The following SERHL2 variants were observed in gnomAD, a reference collection of about 807,000 sequenced individuals.
SERHL2 encodes serine hydrolase like 2.
Under a neutral mutation model 25.5 loss-of-function variants are expected in SERHL2, and 29 were observed. That is an observed-to-expected ratio of 1.14 (90% CI 0.85 to 1.55). SERHL2 has a LOEUF of 1.55. SERHL2 is among the 40% of genes most tolerant of loss of function. The probability of loss-of-function intolerance (pLI) is 0.00; values close to 1 mark genes in which losing one functional copy is unlikely to be tolerated. For synonymous variants in SERHL2, 95 were observed against 103.5 expected, an observed-to-expected ratio of 0.92 and a Z score of 0.50; for missense variants, 240 against 252.3, an observed-to-expected ratio of 0.95 and a Z score of 0.33.
Position 42,572,516 on chromosome 22 carries a change from C to T in SERHL2, c.812C>T (p.Ser271Phe). 6.2e-7 allele frequency: 1 copy of T among 1,611,852 alleles called. No homozygotes were observed. The highest frequency in any genetic ancestry group is 1.1e-5 in the South Asian group (1 of 90,984). The part of the protein sequence containing the change: ...SLSFMIDTMK[S>F]TLKEQFQFVE... ...TCGTTCATGATAGACACGATGAAATCCACCCTCAAAGAGGTAAGACGGGGC... is the reference window on the plus strand; with the variant it reads ...TCGTTCATGATAGACACGATGAAATTCACCCTCAAAGAGGTAAGACGGGGC... Residue 271 changes from serine to phenylalanine, a missense_variant, in exon 11 of 12, where the codon TCC (serine) becomes TTC (phenylalanine). Physicochemically the swap from Ser to Phe is radical, Grantham distance 155. Coordinates refer to ENST00000327678, the MANE Select transcript of SERHL2 (RefSeq NM_014509.5).
chr22:42,560,129 A>G, intron 7 of SERHL2, 57 bp from the exon 8 acceptor site: 1 of 1,373,190 alleles, frequency 7.3e-7, no homozygotes, highest in Non-Finnish European at 1.0e-6. Context: ...TCTCCTTTTT[A>G]TCTGACCTCC....
Position 42,560,811 on chromosome 22 carries a change from C to T in SERHL2, c.613+546C>T, listed in dbSNP as rs1287123869. ...AGTGCGGTGGCACCATCATGGCTCA[C>T]TGCAGCCTCCACCTCCCGGGCTCCA... On this transcript the variant is annotated intron_variant, in intron 8 of 11. Coordinates refer to ENST00000327678, the MANE Select transcript of SERHL2 (RefSeq NM_014509.5). Among the ~76,000 whole-genome samples the T allele has an allele frequency of 2.0e-5, 3 of 151,986 alleles. 1 individual carries two copies. The highest frequency in any genetic ancestry group is 4.4e-5 in the Non-Finnish European group (3 of 67,980).
Position 42,574,243 on chromosome 22 carries a change from C to A in SERHL2, c.*188C>A. On this transcript the variant is annotated 3_prime_UTR_variant, in exon 12 of 12. Coordinates refer to ENST00000327678, the MANE Select transcript of SERHL2 (RefSeq NM_014509.5). ...AACATCTGTGACCTCAAGGGGGAGA[C>A]AGAGTCTGGGTTCCAGGGCTGCTTT... 3.3e-6 allele frequency: 2 copies of A among 598,262 alleles called. No individual in the cohort carries two copies. Among genetic ancestry groups the A allele is most frequent in the Non-Finnish European group, 5.9e-6 (2 of 339,138 alleles). The allele number at this position is 598,262 out of a possible 1,614,324, so 37.1% of individuals were successfully genotyped here.
At chr22:42,554,353 G>T (rs1921974897) in intron 1 of SERHL2, among the ~76,000 whole-genome samples, 1 of 152,078 alleles carries the variant, frequency 6.6e-6, no homozygotes, top group Non-Finnish European at 1.5e-5. Context: ...GGGCGGTGGG[G>T]GTTCCTGGAG....
chr22:42,562,244 C>T (rs1922776654), intron 8 of SERHL2, among the ~76,000 whole-genome samples: 1 of 151,822 alleles, frequency 6.6e-6, no homozygotes, highest in East Asian at 1.9e-4. Flanking sequence ...TCCCTCCAAC[C>T]CCAGGGCCCC....
At chr22:42,571,937 C>CG (rs1168621363) in intron 10 of SERHL2, 2 of 5,582 alleles carry the variant, frequency 3.6e-4, no homozygotes, top group African/African-American at 1.3e-3. Context: ...CTGTTGGGGG[C>CG]GGGGGGCGGG....
At chr22:42,573,626 C>G in intron 11 of SERHL2, 1 of 327,836 alleles carries the variant, frequency 3.1e-6, no homozygotes, top group Non-Finnish European at 5.7e-6. Context: ...ATTATCTTTT[C>G]TCACGGGTAC....
intron 11 of SERHL2, 177 bp from the exon 12 acceptor site, chr22:42,573,759 T>C: frequency 1.4e-6 from 1 of 707,376 alleles, no homozygotes; most frequent in Non-Finnish European, 2.5e-6. Context: ...AGACACCTCC[T>C]GGGGTGCTAT....
At chr22:42,573,756 T>C in intron 11 of SERHL2, 180 bp from the exon 12 acceptor site, 1 of 704,692 alleles carries the variant, frequency 1.4e-6, no homozygotes, top group Non-Finnish European at 2.5e-6. Context: ...GTTAGACACC[T>C]CCTGGGGTGC....
chr22:42,572,964 C>T (rs1404163882), intron 11 of SERHL2, among the ~76,000 whole-genome samples: 1 of 151,756 alleles, frequency 6.6e-6, no homozygotes, highest in Non-Finnish European at 1.5e-5. Context: ...GCCACCATAC[C>T]CGGCCTAGTC....
rs557997523 is a variant in SERHL2 at position 42,560,251 on chromosome 22, C to T, written c.599C>T (p.Thr200Met). 6.8e-6 allele frequency: 11 copies of T among 1,610,944 alleles called. No individual in the cohort carries two copies. The highest frequency in any genetic ancestry group is 2.7e-5 in the African/African-American group (2 of 74,850). ...GAGCTTCTCCTGCAAAGAGGAACCA[C>T]GAAGGTGGCCACAGGTAAGGGACTC... The part of the protein sequence containing the change: ...CGELLLQRGT[T>M]KVATGLVLNR... The change falls in exon 8 of 12, where the codon ACG becomes ATG. Residue 200 changes from threonine to methionine, a missense_variant. By Grantham distance (81) the Thr-to-Met change is moderately conservative. Transcript: ENST00000327678.
chr22:42,572,268 T>C (rs1445124350), intron 10 of SERHL2, among the ~76,000 whole-genome samples, 168 bp from the exon 11 acceptor site: 1 of 152,024 alleles, frequency 6.6e-6, no homozygotes, highest in Non-Finnish European at 1.5e-5. Context: ...TGAGCTGAGA[T>C]TAACTGAGCC....
At chr22:42,562,212 A>G (rs573947816) in intron 8 of SERHL2, among the ~76,000 whole-genome samples, 38 of 151,736 alleles carry the variant, frequency 2.5e-4, no homozygotes, top group Non-Finnish European at 4.3e-4. Flanking sequence ...CTCAAGGACA[A>G]TGTAGGTTCC....
chr22:42,568,838 C>G (rs1211917146), intron 9 of SERHL2, among the ~76,000 whole-genome samples: 1 of 151,776 alleles, frequency 6.6e-6, no homozygotes, highest in Non-Finnish European at 1.5e-5. Context: ...TGGTGGCACA[C>G]ACCTGTAGTC....
At chr22:42,568,439 T>C (rs1923707256) in intron 9 of SERHL2, among the ~76,000 whole-genome samples, 1 of 151,832 alleles carries the variant, frequency 6.6e-6, no homozygotes, top group African/African-American at 2.4e-5. Flanking sequence ...GGTAGGAATT[T>C]ATTGCCAGAT....
chr22:42,566,909 G>GT (rs1923468637), intron 9 of SERHL2, among the ~76,000 whole-genome samples: 1 of 152,340 alleles, frequency 6.6e-6, no homozygotes, highest in South Asian at 2.1e-4. Flanking sequence ...CTTGGGCAAG[G>GT]TGCTTACCCT....
chr22:42,566,352 C>T lies in SERHL2; in HGVS notation c.648+14C>T. 1 of 1,610,558 alleles carries T rather than the reference C, an allele frequency of 6.2e-7. No individual in the cohort carries two copies. The highest frequency in any genetic ancestry group is 1.7e-5 in the Admixed American group (1 of 60,012). ...AGGCTCGCCTGGGTGAGTACCACTG[C>T]CTCCGGGTCCCCCGCCAAGGTTTGC... On this transcript the variant is annotated intron_variant, in intron 9 of 11. Coordinates refer to ENST00000327678, the MANE Select transcript of SERHL2 (RefSeq NM_014509.5).
At chr22:42,564,582 C>T (rs755379998) in intron 8 of SERHL2, among the ~76,000 whole-genome samples, 2 of 151,682 alleles carry the variant, frequency 1.3e-5, no homozygotes, top group Non-Finnish European at 2.9e-5. Flanking sequence ...CAGGTGCCCA[C>T]CACCATGCCT....
In SERHL2 at chr22:42,566,373, T is replaced by C. The variant is rs370225908; in HGVS notation, c.648+35T>C. On this transcript the variant is annotated intron_variant, in intron 9 of 11. Coordinates refer to ENST00000327678, the MANE Select transcript of SERHL2 (RefSeq NM_014509.5). Reference sequence around the variant, plus strand: ...ACTGCCTCCGGGTCCCCCGCCAAGGTTTGCCTGTTAGCGTCTTTGTCGTTT... The same window carrying C: ...ACTGCCTCCGGGTCCCCCGCCAAGGCTTGCCTGTTAGCGTCTTTGTCGTTT... 1.1e-5 allele frequency: 17 copies of C among 1,607,224 alleles called. No individual in the cohort carries two copies. In the East Asian group the frequency reaches 1.1e-4, roughly 11 times the overall value.
Sources: gnomAD v4.1 joint callset for allele counts (sites outside exome capture counted in the v4.1 genomes callset) on GRCh38, gnomAD v4.1.1 for gene constraint, MANE v1.5 for transcripts, NCBI Gene and HGNC (gene_info 2026-07-23, HGNC 2026-07-21) for gene names.